The following CHD7 variants were observed in gnomAD, a reference collection of about 807,000 sequenced individuals.
CHD7 encodes ATP-dependent chromatin remodeler CHD7.
A neutral mutation model predicts 307.3 loss-of-function variants in CHD7; 24 were observed. The observed-to-expected ratio is 0.08, with a 90% CI of 0.06 to 0.11. The LOEUF is 0.11. Ranked by LOEUF, CHD7 falls within the 10% of genes least tolerant of loss-of-function variation. The probability of loss-of-function intolerance (pLI) is 1.00; values close to 1 mark genes in which losing one functional copy is unlikely to be tolerated. For synonymous variants in CHD7, 1,363 were observed against 1,349.9 expected, an observed-to-expected ratio of 1.01 and a Z score of -0.21; for missense variants, 3,106 against 3,727.1, an observed-to-expected ratio of 0.83 and a Z score of 4.34.
intron 15 of CHD7, among the ~76,000 whole-genome samples, chr8:60,832,120 C>A (rs546579603): frequency 3.3e-5 from 5 of 152,142 alleles, no homozygotes; most frequent in African/African-American, 1.2e-4. Context: ...CTCCCAGGCT[C>A]AAGCATCCCT....
intron 6 of CHD7, 74 bp downstream of exon 6, chr8:60,801,667 C>G: frequency 1.0e-6 from 1 of 964,902 alleles, no homozygotes; most frequent in Non-Finnish European, 1.6e-6. Context: ...TTGTAATTTT[C>G]TTTTAAAATT....
intron 3 of CHD7, among the ~76,000 whole-genome samples, chr8:60,793,399 A>G (rs990033425): frequency 6.6e-6 from 1 of 152,126 alleles, no homozygotes; most frequent in Non-Finnish European, 1.5e-5. Context: ...TTTCTTATGT[A>G]GCTATTTACT....
Position 60,842,026 on chromosome 8 carries a change from G to C in CHD7, c.4824G>C (p.Arg1608Ser). The change falls in exon 21 of 38, where the codon AGG (arginine) becomes AGC (serine). Residue 1608 changes from arginine to serine, a missense_variant. This residue lies in a region of CHD7 where 122 missense variants were observed against 124.5 expected (regional missense o/e 0.98). Coordinates refer to ENST00000423902, the MANE Select transcript of CHD7 (RefSeq NM_017780.4). Reference protein sequence around the residue: ...SQGYARSECFRVEKNLLVYGW... With the variant: ...SQGYARSECFSVEKNLLVYGW... ...GCTATGCAAGGAGTGAATGTTTCAG[G>C]GTGGAGAAGAATCTGCTTGTCTATG... is the stretch of plus-strand genomic sequence containing the variant. 6.2e-7 allele frequency: 1 copy of C among 1,613,504 alleles called. No homozygotes were observed. Among genetic ancestry groups the C allele is most frequent in the Non-Finnish European group, 8.5e-7 (1 of 1,179,576 alleles).
At chr8:60,685,270 C>G (rs1046258949) in intron 1 of CHD7, among the ~76,000 whole-genome samples, 1 of 152,206 alleles carries the variant, frequency 6.6e-6, no homozygotes, top group African/African-American at 2.4e-5. Context: ...GGGAGTTCAT[C>G]AAGGAATGTG....
chr8:60,775,023 A>G (rs1378127571), intron 2 of CHD7, among the ~76,000 whole-genome samples: 2 of 152,034 alleles, frequency 1.3e-5, no homozygotes, highest in Non-Finnish European at 2.9e-5. Context: ...CTACTAATTC[A>G]GAATGTGTTT....
intron 1 of CHD7, among the ~76,000 whole-genome samples, chr8:60,722,867 A>C (rs968619703): frequency 6.6e-6 from 1 of 152,254 alleles, no homozygotes; most frequent in Non-Finnish European, 1.5e-5. Flanking sequence ...GCCTTCTCAG[A>C]TAATTTGATA....
intron 1 of CHD7, among the ~76,000 whole-genome samples, chr8:60,721,585 A>G (rs11995234): frequency 0.82 from 124,960 of 152,230 alleles, 51,607 homozygotes; most frequent in East Asian, 0.94. Flanking sequence ...TGGTTTGTGC[A>G]TCAAAATGCT....
chr8:60,787,636 A>G (rs946318935), intron 3 of CHD7, among the ~76,000 whole-genome samples: 33 of 152,160 alleles, frequency 2.2e-4, no homozygotes, highest in African/African-American at 8.0e-4. Context: ...CCTGACTTCT[A>G]TAGGAACAAT....
At chr8:60,799,901 C>T (rs1366427432) in intron 4 of CHD7, among the ~76,000 whole-genome samples, 1 of 152,168 alleles carries the variant, frequency 6.6e-6, no homozygotes, top group African/African-American at 2.4e-5. Context: ...TCCAGATTTC[C>T]ACCCATTTCT....
chr8:60,695,776 A>G (rs1359516580), intron 1 of CHD7, among the ~76,000 whole-genome samples: 2 of 152,240 alleles, frequency 1.3e-5, no homozygotes, highest in African/African-American at 4.8e-5. Context: ...TGCAAATTAA[A>G]TTAAAATGAT....
chr8:60,686,098 T>G (rs1379772031), intron 1 of CHD7, among the ~76,000 whole-genome samples: 2 of 152,234 alleles, frequency 1.3e-5, no homozygotes, highest in Non-Finnish European at 2.9e-5. Context: ...CCATTGTGAC[T>G]CAGTCAAGTC....
Position 60,742,493 on chromosome 8 carries a change from C to T in CHD7, c.1061C>T (p.Pro354Leu), listed in dbSNP as rs2150579970. 6.2e-7 allele frequency: 1 copy of T among 1,613,978 alleles called. No homozygotes were observed. The highest frequency in any genetic ancestry group is 8.5e-7 in the Non-Finnish European group (1 of 1,179,870). Residue 354 changes from proline (P) to leucine (L), a missense_variant, in exon 2 of 38, where the codon CCA (proline) becomes CTA (leucine). Pro to Leu is a moderately conservative substitution (Grantham distance 98, BLOSUM62 -3). Around this residue, in one of 10 missense-constraint regions of CHD7, gnomAD observed 998 missense variants for 1,004.5 expected, o/e 0.99. Transcript: ENST00000423902. ...AGATACCCCAATGCTGTAGGATTCC[C>T]ATCAAACAGTGGTCAAGGACTAATG... ...VPRYPNAVGF[P>L]SNSGQGLMHQ...
chr8:60,734,260 G>A (rs1270744625), intron 1 of CHD7, among the ~76,000 whole-genome samples: 2 of 152,170 alleles, frequency 1.3e-5, no homozygotes, highest in African/African-American at 4.8e-5. Flanking sequence ...GGAATCACTT[G>A]GGGCCTTTGT....
intron 1 of CHD7, among the ~76,000 whole-genome samples, chr8:60,684,841 A>G (rs997519657): frequency 3.9e-5 from 6 of 152,230 alleles, no homozygotes; most frequent in Admixed American, 6.5e-5. Flanking sequence ...AGAGGACAAT[A>G]GGTTGTAGAC....
At chr8:60,689,084 C>T (rs1323731880) in intron 1 of CHD7, among the ~76,000 whole-genome samples, 1 of 152,104 alleles carries the variant, frequency 6.6e-6, no homozygotes, top group Middle Eastern at 3.2e-3. Flanking sequence ...CCCAGATTGG[C>T]AGGGAAATGG....
At chr8:60,694,311 G>A (rs1347342798) in intron 1 of CHD7, among the ~76,000 whole-genome samples, 1 of 152,248 alleles carries the variant, frequency 6.6e-6, no homozygotes. Context: ...GTTTGTGAAG[G>A]TGTGCAGATG....
chr8:60,798,336 A>C (rs1242396876), intron 4 of CHD7, among the ~76,000 whole-genome samples: 1 of 152,164 alleles, frequency 6.6e-6, no homozygotes, highest in African/African-American at 2.4e-5. Flanking sequence ...TCTCTTAATA[A>C]ACTTTTTCTA....
At position 60,836,913 on chromosome 8, in the gene CHD7, C is replaced by T; in HGVS notation, c.4086C>T (p.Phe1362=). 1 of 1,613,838 alleles carries T rather than the reference C, an allele frequency of 6.2e-7. No homozygotes were observed. Among genetic ancestry groups the T allele is most frequent in the East Asian group, 2.2e-5 (1 of 44,878 alleles). The part of the protein sequence containing the change: ...FSKPDSDRFV[F]LLCTRAGGLG... ...AACCTGATTCTGATAGGTTTGTTTT[C>T]CTCCTGTGTACAAGGGCAGGAGGTT... is the stretch of plus-strand genomic sequence containing the variant. Residue 1362 remains phenylalanine, a synonymous_variant, in exon 17 of 38, where the codon TTC becomes TTT. Coordinates refer to ENST00000423902, the MANE Select transcript of CHD7 (RefSeq NM_017780.4).
intron 17 of CHD7, among the ~76,000 whole-genome samples, 159 bp from the exon 18 acceptor site, chr8:60,837,509 C>G (rs991580920): frequency 6.6e-6 from 1 of 152,168 alleles, no homozygotes; most frequent in Non-Finnish European, 1.5e-5. Context: ...GAGCAGTAAT[C>G]CTGTTCGTGA....
Sources: allele counts gnomAD v4.1 joint callset (sites outside exome capture counted in the v4.1 genomes callset), GRCh38; gene constraint gnomAD v4.1.1; regional missense constraint gnomAD v4.1.1; transcripts MANE v1.5; gene names NCBI Gene and HGNC (gene_info 2026-07-23, HGNC 2026-07-21).